The following LRRC8C variants were observed in gnomAD, a reference collection of about 807,000 sequenced individuals.
The protein encoded by LRRC8C is leucine rich repeat containing 8 VRAC subunit C, also known as volume-regulated anion channel subunit LRRC8C.
Under a neutral mutation model 55.3 loss-of-function variants are expected in LRRC8C, and 20 were observed. The observed-to-expected ratio is 0.36, with a 90% CI of 0.25 to 0.53. LRRC8C has a LOEUF of 0.53. LRRC8C is among the 20% of genes least tolerant of loss of function. The probability of loss-of-function intolerance (pLI) is 0.92; values close to 1 mark genes in which losing one functional copy is unlikely to be tolerated. For missense variants in LRRC8C, 659 were observed against 951.4 expected (o/e 0.69, Z 4.04); for synonymous variants, 376 against 360.7 (o/e 1.04, Z -0.48).
intron 2 of LRRC8C, among the ~76,000 whole-genome samples, chr1:89,699,758 A>G (rs954776465): frequency 6.6e-6 from 1 of 152,192 alleles, no homozygotes; most frequent in Admixed American, 6.5e-5. Flanking sequence ...CTTATAGTCA[A>G]CATAATGCAC....
At chr1:89,659,048 G>GTTTTTTT (rs771955175) in intron 1 of LRRC8C, among the ~76,000 whole-genome samples, 1 of 26,218 alleles carries the variant, frequency 3.8e-5, no homozygotes, top group Non-Finnish European at 9.5e-5. Context: ...TCTTCTCCAG[G>GTTTTTTT]TTTTTTTTTT....
In LRRC8C at chr1:89,715,104, C is replaced by A; in HGVS notation, c.*122C>A. The A allele has an allele frequency of 2.0e-6, 1 of 507,560 alleles. No homozygotes were observed. The highest frequency in any genetic ancestry group is 3.4e-6 in the Non-Finnish European group (1 of 296,162). 31.4% of individuals were successfully genotyped at this position (507,560 alleles called of 1,614,324 possible). A position where few individuals can be genotyped will look rare whatever the true frequency, so the allele number is the denominator to read the frequency against. ...TCACACAAAATGTACACAAAGATCGCGTAAGGAGTATGTATTTTTAATAAA... is the reference window on the plus strand; with the variant it reads ...TCACACAAAATGTACACAAAGATCGAGTAAGGAGTATGTATTTTTAATAAA... On this transcript the variant is annotated 3_prime_UTR_variant, in exon 3 of 3. Coordinates refer to ENST00000370454, the MANE Select transcript of LRRC8C (RefSeq NM_032270.5).
At chr1:89,622,334 A>ATTTTTTTTT in the LRRC8C span, among the ~76,000 whole-genome samples, 1 of 127,234 alleles carries the variant, frequency 7.9e-6, no homozygotes. Context: ...ATACATGTAA[A>ATTTTTTTTT]ATTTTTTTTT....
intron 2 of LRRC8C, among the ~76,000 whole-genome samples, chr1:89,707,415 A>AG (rs1262832634): frequency 7.2e-6 from 1 of 139,458 alleles, no homozygotes; most frequent in African/African-American, 3.4e-5. Flanking sequence ...TAAAAAAAAC[A>AG]AAAACAAAAA....
chr1:89,636,697 T>C (rs1365529784), intron 1 of LRRC8C, among the ~76,000 whole-genome samples: 2 of 152,114 alleles, frequency 1.3e-5, no homozygotes, highest in Non-Finnish European at 2.9e-5. Context: ...AGCTACCTCC[T>C]TCATGAGCCT....
chr1:89,689,509 T>C (rs1304509337), intron 2 of LRRC8C, among the ~76,000 whole-genome samples: 1 of 152,096 alleles, frequency 6.6e-6, no homozygotes, highest in African/African-American at 2.4e-5. Flanking sequence ...GTGAGGGTGG[T>C]ATTTGGAAGG....
chr1:89,708,792 C>A (rs140926580), intron 2 of LRRC8C: 4 of 152,184 alleles, frequency 2.6e-5, no homozygotes, highest in African/African-American at 9.7e-5. Context: ...GTTGGACCTC[C>A]TAACCTGGCT....
the LRRC8C span, chr1:89,626,960 GACACAC>G: frequency 0.024 from 2,916 of 122,630 alleles, 71 homozygotes; most frequent in East Asian, 0.14. Context: ...CTCTAGTCTA[GACACAC>G]ACACACACAC....
intron 1 of LRRC8C, among the ~76,000 whole-genome samples, chr1:89,648,854 C>G (rs891169440): frequency 6.6e-6 from 1 of 152,140 alleles, no homozygotes; most frequent in Non-Finnish European, 1.5e-5. Context: ...TTTTTTGTGA[C>G]TAACTTCTTT....
chr1:89,682,912 C>T (rs561583020), intron 1 of LRRC8C, among the ~76,000 whole-genome samples: 2 of 152,296 alleles, frequency 1.3e-5, no homozygotes, highest in South Asian at 4.1e-4. Context: ...CATCATACTA[C>T]TTTTACTTGA....
Position 89,660,930 on chromosome 1 carries a change from A to G in LRRC8C, c.-4-25540A>G, listed in dbSNP as rs551397714. 3.1e-3 allele frequency among the ~76,000 whole-genome samples: 474 copies of G among 152,316 alleles called. 2 individuals are homozygous for G. The highest frequency in any genetic ancestry group is 4.7e-3 in the Non-Finnish European group (320 of 68,026). ...AGCCTGTAATGTGCAAAGTTGAAAC[A>G]TTTTGTATTTGGCACTGAAGTCTAT... is the stretch of plus-strand genomic sequence containing the variant. On this transcript the variant is annotated intron_variant, in intron 1 of 2. Coordinates refer to ENST00000370454, the MANE Select transcript of LRRC8C (RefSeq NM_032270.5).
the LRRC8C span, chr1:89,626,484 CATGTTATATTAGGAT>C: frequency 1.3e-5 from 2 of 152,268 alleles, no homozygotes; most frequent in Admixed American, 1.3e-4. Context: ...GGCAGGTTCC[CATGTTATATTAGGAT>C]ATATACCACT....
At chr1:89,686,705 G>GT (rs1361174061) in intron 2 of LRRC8C, 94 bp downstream of exon 2, 1 of 1,360,894 alleles carries the variant, frequency 7.3e-7, no homozygotes, top group Non-Finnish European at 1.0e-6. Flanking sequence ...TTTTAACCAT[G>GT]TAAGTATTAG....
At chr1:89,645,136 G>A (rs1656575882) in intron 1 of LRRC8C, among the ~76,000 whole-genome samples, 1 of 152,120 alleles carries the variant, frequency 6.6e-6, no homozygotes, top group Non-Finnish European at 1.5e-5. Flanking sequence ...TTATAGTATT[G>A]TGAAAAGAAA....
chr1:89,637,736 G>T (rs755678632), intron 1 of LRRC8C, among the ~76,000 whole-genome samples: 8 of 152,100 alleles, frequency 5.3e-5, no homozygotes, highest in Non-Finnish European at 1.2e-4. Flanking sequence ...ACATAGTTTG[G>T]CAGGAATATA....
At chr1:89,619,415 TA>T in the LRRC8C span, among the ~76,000 whole-genome samples, 3 of 150,260 alleles carry the variant, frequency 2.0e-5, no homozygotes, top group African/African-American at 2.4e-5. Flanking sequence ...TCAATTTTAA[TA>T]AAAATAACAA....
At chr1:89,636,762 C>T (rs1304307560) in intron 1 of LRRC8C, among the ~76,000 whole-genome samples, 1 of 152,094 alleles carries the variant, frequency 6.6e-6, no homozygotes. Flanking sequence ...CAACACGTAC[C>T]CCTCCAAAAG....
chr1:89,618,832 G>A, the LRRC8C span, among the ~76,000 whole-genome samples: 1 of 152,174 alleles, frequency 6.6e-6, no homozygotes, highest in East Asian at 1.9e-4. Flanking sequence ...ACAAACTTCA[G>A]GACCTGTGTC....
At chr1:89,676,420 CT>C (rs1225271461) in intron 1 of LRRC8C, 4 of 152,178 alleles carry the variant, frequency 2.6e-5, no homozygotes, top group Non-Finnish European at 1.5e-5. Flanking sequence ...CTCAAACATT[CT>C]CTTCAGTAGT....
Sources: allele counts gnomAD v4.1 joint callset (sites outside exome capture counted in the v4.1 genomes callset), GRCh38; gene constraint gnomAD v4.1.1; transcripts MANE v1.5; gene names NCBI Gene and HGNC (gene_info 2026-07-23, HGNC 2026-07-21).